ATP9A: variants seen among roughly 807,000 people sequenced by gnomAD.
ATP9A encodes probable phospholipid-transporting ATPase IIA.
In ATP9A, 52 loss-of-function variants were observed where a neutral mutation model predicts 144.1. That is an observed-to-expected ratio of 0.36 (90% CI 0.29 to 0.45). ATP9A has a LOEUF of 0.45. Ranked by LOEUF, ATP9A falls within the 20% of genes least tolerant of loss-of-function variation. The pLI is 1.00. For synonymous variants in ATP9A, 582 were observed against 557.4 expected, an observed-to-expected ratio of 1.04 and a Z score of -0.62; for missense variants, 947 against 1,392.7, an observed-to-expected ratio of 0.68 and a Z score of 5.09.
At chr20:51,738,250 G>C (rs1340685841) in intron 1 of ATP9A, among the ~76,000 whole-genome samples, 1 of 152,080 alleles carries the variant, frequency 6.6e-6, no homozygotes, top group East Asian at 1.9e-4. Flanking sequence ...GGCTGGTCTC[G>C]AATTCCTGAC....
chr20:51,682,177 A>T (rs1163762252), intron 9 of ATP9A, among the ~76,000 whole-genome samples: 2 of 152,084 alleles, frequency 1.3e-5, no homozygotes, highest in Admixed American at 1.3e-4. Context: ...TCATCTGTAC[A>T]CTAAACCCCC....
At chr20:51,698,432 G>C (rs1035672862) in intron 4 of ATP9A, among the ~76,000 whole-genome samples, 3 of 152,206 alleles carry the variant, frequency 2.0e-5, no homozygotes, top group African/African-American at 7.2e-5. Flanking sequence ...CTGAGGTGTG[G>C]GAGGATCGCT....
At chr20:51,765,730 T>C (rs1401602012) in intron 1 of ATP9A, among the ~76,000 whole-genome samples, 4 of 149,996 alleles carry the variant, frequency 2.7e-5, no homozygotes, top group African/African-American at 9.9e-5. Flanking sequence ...CCAAGGCAGG[T>C]GGATCACCTG....
intron 7 of ATP9A, among the ~76,000 whole-genome samples, chr20:51,691,291 G>T (rs1376366933): frequency 6.6e-6 from 1 of 152,034 alleles, no homozygotes; most frequent in African/African-American, 2.4e-5. Context: ...ACATGTTGAA[G>T]CCCTGTCTCT....
intron 17 of ATP9A, among the ~76,000 whole-genome samples, chr20:51,626,650 A>C (rs1289478648): frequency 6.6e-6 from 1 of 151,644 alleles, no homozygotes; most frequent in African/African-American, 2.4e-5. Flanking sequence ...TCTCAGAATA[A>C]ATGTGCAAAA....
intron 4 of ATP9A, among the ~76,000 whole-genome samples, chr20:51,711,039 G>A (rs866746316): frequency 6.6e-6 from 1 of 151,920 alleles, no homozygotes; most frequent in African/African-American, 2.4e-5. Context: ...TAATATACAC[G>A]AACCACACAC....
chr20:51,623,838 G>A (rs1278603780), intron 18 of ATP9A, among the ~76,000 whole-genome samples: 1 of 149,730 alleles, frequency 6.7e-6, no homozygotes, highest in Non-Finnish European at 1.5e-5. Flanking sequence ...AAAATTTCCT[G>A]TGCAAGATCG....
intron 9 of ATP9A, 103 bp from the exon 10 acceptor site, chr20:51,676,311 T>G (rs2077477130): frequency 1.1e-6 from 1 of 877,940 alleles, no homozygotes; most frequent in Admixed American, 2.8e-5. Flanking sequence ...CTGGGTTCTT[T>G]TTTTTTTTTG....
intron 3 of ATP9A, among the ~76,000 whole-genome samples, chr20:51,718,814 C>CAAAAAAAAAAAAAAAAAAAAAAAAAAAAA (rs71192550): frequency 1.4e-4 from 8 of 57,692 alleles, no homozygotes; most frequent in Non-Finnish European, 1.8e-4. Flanking sequence ...GACTCCATCT[C>CAAAAAAAAAAAAAAAAAAAAAAAAAAAAA]AAAAAAAAAA....
intron 19 of ATP9A, 69 bp downstream of exon 19, chr20:51,622,005 C>G (rs541456796): frequency 7.2e-7 from 1 of 1,384,398 alleles, no homozygotes; most frequent in African/African-American, 1.4e-5. Flanking sequence ...GGGGCCCACT[C>G]AAGGTTAGGA....
rs747242556 is a variant in ATP9A at position 51,613,772 on chromosome 20, G to A, written c.2476C>T (p.Arg826Trp). The change falls in exon 23 of 28, where the codon CGG becomes TGG. Residue 826 changes from arginine (R) to tryptophan (W), a missense_variant. Physicochemically the swap from Arg to Trp is moderately radical, Grantham distance 101 (BLOSUM62 -3). Transcript: ENST00000338821. ...TTCCGGCCATGCACCATAAGCAACCGGCCAAGATGCTTAAATTGAGTGATG... is the reference window on the plus strand; with the variant it reads ...TTCCGGCCATGCACCATAAGCAACCAGCCAAGATGCTTAAATTGAGTGATG... ...FSITQFKHLG[R>W]LLMVHGRNSY... 2 of 1,613,996 alleles carry A rather than the reference G, an allele frequency of 1.2e-6. No individual in the cohort carries two copies. Among genetic ancestry groups the A allele is most frequent in the African/African-American group, 1.3e-5 (1 of 74,928 alleles).
chr20:51,712,124 G>A (rs2077641852), intron 4 of ATP9A, among the ~76,000 whole-genome samples: 1 of 149,934 alleles, frequency 6.7e-6, no homozygotes, highest in African/African-American at 2.5e-5. Flanking sequence ...CCAGGCTGGA[G>A]TGCAGTGGCG....
At chr20:51,651,895 C>T (rs897098292) in intron 14 of ATP9A, among the ~76,000 whole-genome samples, 2 of 151,828 alleles carry the variant, frequency 1.3e-5, no homozygotes, top group African/African-American at 2.4e-5. Flanking sequence ...CACCACTGGG[C>T]GACAGAGCAA....
intron 1 of ATP9A, among the ~76,000 whole-genome samples, chr20:51,759,170 G>A (rs142969534): frequency 9.9e-4 from 151 of 152,312 alleles, no homozygotes; most frequent in African/African-American, 3.5e-3. Flanking sequence ...AGCCCCATGG[G>A]CCGCTGCCAA....
At chr20:51,684,286 C>A (rs1367330488) in intron 9 of ATP9A, among the ~76,000 whole-genome samples, 1 of 152,138 alleles carries the variant, frequency 6.6e-6, no homozygotes, top group East Asian at 1.9e-4. Flanking sequence ...ATTAAGGCAA[C>A]AAATAAAATA....
At chr20:51,644,267 C>CTTTTTTCTTTT (rs2077332368) in intron 14 of ATP9A, among the ~76,000 whole-genome samples, 1 of 76,000 alleles carries the variant, frequency 1.3e-5, no homozygotes, top group Non-Finnish European at 2.6e-5. Flanking sequence ...TTACTTCTAG[C>CTTTTTTCTTTT]TTTTTTTTTT....
intron 9 of ATP9A, among the ~76,000 whole-genome samples, chr20:51,677,776 C>T (rs141117664): frequency 1.1e-3 from 173 of 151,388 alleles, no homozygotes; most frequent in African/African-American, 2.7e-3. Context: ...ATGAATCCTT[C>T]GAAAGTCAAC....
At chr20:51,655,139 G>A (rs959726450) in intron 14 of ATP9A, among the ~76,000 whole-genome samples, 1 of 152,146 alleles carries the variant, frequency 6.6e-6, no homozygotes, top group Non-Finnish European at 1.5e-5. Context: ...AGAATAGTTA[G>A]GATATTAGGG....
intron 15 of ATP9A, 127 bp downstream of exon 15, chr20:51,639,192 TTTCCTTTCTGCTTAGGGAATTATA>T: frequency 1.1e-6 from 1 of 876,542 alleles, no homozygotes; most frequent in Non-Finnish European, 1.7e-6. Context: ...AATGAACTAA[TTTCCTTTCTGCTTAGGGAATTATA>T]TTCCCTTGTT....
Sources: gnomAD v4.1 joint callset for allele counts (sites outside exome capture counted in the v4.1 genomes callset) on GRCh38, gnomAD v4.1.1 for gene constraint, MANE v1.5 for transcripts, NCBI Gene and HGNC (gene_info 2026-07-23, HGNC 2026-07-21) for gene names.